IL1RAPL1: variants seen among roughly 807,000 people sequenced by gnomAD.
The protein encoded by IL1RAPL1 is interleukin 1 receptor accessory protein like 1.
Under a neutral mutation model 48.4 loss-of-function variants are expected in IL1RAPL1, and 3 were observed. That is an observed-to-expected ratio of 0.06 (90% CI 0.03 to 0.16). The LOEUF (loss-of-function observed/expected upper bound fraction) is 0.16, where lower values mean the gene tolerates loss of function less well. Among genes scored for constraint, IL1RAPL1 ranks in the 10% least tolerant of loss-of-function variants. The pLI, the probability that IL1RAPL1 is intolerant of heterozygous loss-of-function variation, is 1.00. For synonymous variants in IL1RAPL1, 185 were observed against 187.7 expected (o/e 0.99, Z 0.12); for missense variants, 349 against 530.6 (o/e 0.66, Z 3.36).
At chrX:29,183,290 T>G (rs757322987) in intron 2 of IL1RAPL1, among the ~76,000 whole-genome samples, 15 of 111,830 alleles carry the variant, frequency 1.3e-4, no homozygotes, top group Non-Finnish European at 2.1e-4. Context: ...CTGAGTTCGC[T>G]CTGATCATCT....
chrX:29,288,036 G>A (rs1202965680), intron 3 of IL1RAPL1, among the ~76,000 whole-genome samples: 1 of 111,845 alleles, frequency 8.9e-6, no homozygotes, highest in Admixed American at 9.4e-5. Context: ...TTAAAAAATT[G>A]TTAAAAATTC....
intron 5 of IL1RAPL1, among the ~76,000 whole-genome samples, chrX:29,600,996 C>T (rs750545725): frequency 3.7e-4 from 41 of 111,072 alleles, no homozygotes; most frequent in Non-Finnish European, 7.2e-4. Flanking sequence ...AGACCATGAG[C>T]CTCCCTACTG....
At chrX:29,902,308 T>C in intron 6 of IL1RAPL1, among the ~76,000 whole-genome samples, 1 of 111,141 alleles carries the variant, frequency 9.0e-6, no homozygotes, top group Non-Finnish European at 1.9e-5. Context: ...TGTCCACCGA[T>C]TGTTCTAGAC....
At chrX:28,801,068 G>T (rs1936669641) in intron 2 of IL1RAPL1, among the ~76,000 whole-genome samples, 1 of 109,408 alleles carries the variant, frequency 9.1e-6, no homozygotes, top group South Asian at 3.9e-4. Context: ...TCTTAGTAGA[G>T]ACAGGGTTTC....
rs1569173307 is a variant in IL1RAPL1 at position 29,802,990 on chromosome X, T to TATGTATAC, written c.779-114472_779-114471insGTATACAT. On this transcript the variant is annotated intron_variant, in intron 6 of 10. Transcript: ENST00000378993. ...GTACATATATACATACATGTGTACA[T>TATGTATAC]ATATATGTATGCATATATACATATG... Among the ~76,000 whole-genome samples, 110 of 78,418 alleles carry TATGTATAC rather than the reference T, an allele frequency of 1.4e-3. 3 individuals carry two copies. Among genetic ancestry groups the TATGTATAC allele is most frequent in the African/African-American group, 5.7e-3 (101 of 17,740 alleles). 68.1% of individuals were successfully genotyped at this position (78,418 alleles called of 115,157 possible).
chrX:28,934,748 T>C (rs959750484), intron 2 of IL1RAPL1, among the ~76,000 whole-genome samples: 1 of 112,406 alleles, frequency 8.9e-6, no homozygotes, highest in African/African-American at 3.2e-5. Flanking sequence ...TTACATTCCA[T>C]TGAATGGATA....
chrX:29,744,310 G>T (rs1279504567), intron 6 of IL1RAPL1, among the ~76,000 whole-genome samples: 1 of 111,678 alleles, frequency 9.0e-6, no homozygotes, highest in Non-Finnish European at 1.9e-5. Context: ...TAAATAATTT[G>T]CATCCATTCT....
chrX:28,620,546 G>T (rs1310487281), intron 1 of IL1RAPL1, among the ~76,000 whole-genome samples: 1 of 111,390 alleles, frequency 9.0e-6, no homozygotes, highest in East Asian at 2.9e-4. Flanking sequence ...CAAGCCCATT[G>T]GCATTCTTAC....
At chrX:29,027,876 A>G (rs1014168500) in intron 2 of IL1RAPL1, among the ~76,000 whole-genome samples, 1 of 110,155 alleles carries the variant, frequency 9.1e-6, no homozygotes, top group Non-Finnish European at 1.9e-5. Context: ...CTGCGTTTTT[A>G]AATTGGATTA....
Position 29,955,913 on chromosome X carries a change from A to G in IL1RAPL1, c.*93A>G, listed in dbSNP as rs1195798851. On this transcript the variant is annotated 3_prime_UTR_variant, in exon 11 of 11. Transcript: ENST00000378993. ...AATCCTCGACTGCTGCTGTTAAAAA[A>G]CATGCATTAGAATCTCTAGAACACG... 7.2e-6 allele frequency: 5 copies of G among 693,919 alleles called. No homozygotes were observed. The highest frequency in any genetic ancestry group is 1.2e-5 in the Non-Finnish European group (5 of 431,481). 57.2% of individuals were successfully genotyped at this position (693,919 alleles called of 1,213,427 possible).
At chrX:29,200,460 T>C (rs916031252) in intron 2 of IL1RAPL1, among the ~76,000 whole-genome samples, 1 of 112,243 alleles carries the variant, frequency 8.9e-6, no homozygotes, top group East Asian at 2.8e-4. Context: ...TTTGGCATCT[T>C]TGAATATATG....
chrX:29,407,556 T>C (rs1410284195), intron 5 of IL1RAPL1, among the ~76,000 whole-genome samples: 1 of 112,301 alleles, frequency 8.9e-6, no homozygotes, highest in Non-Finnish European at 1.9e-5. Context: ...TTTGCTTATG[T>C]AAGTAATATT....
At chrX:29,740,573 A>T (rs966401923) in intron 6 of IL1RAPL1, among the ~76,000 whole-genome samples, 1 of 111,407 alleles carries the variant, frequency 9.0e-6, no homozygotes, top group Non-Finnish European at 1.9e-5. Flanking sequence ...TATCCTATAA[A>T]TTATTCTTAG....
In IL1RAPL1 at chrX:29,215,535, T is replaced by C. The variant is rs1309316900; in HGVS notation, c.83-67403T>C. Among the ~76,000 whole-genome samples, 3 of 110,553 alleles carry C rather than the reference T, an allele frequency of 2.7e-5. No individual in the cohort carries two copies. The East Asian group carries it at 8.5e-4, about 31-fold the overall frequency. On this transcript the variant is annotated intron_variant, in intron 2 of 10. Coordinates refer to ENST00000378993, the MANE Select transcript of IL1RAPL1 (RefSeq NM_014271.4). ...ATCATGGATATAACTTGTTTGAAAATGGTCTCATCCCATAAAGTATAGAGA... is the reference window on the plus strand; with the variant it reads ...ATCATGGATATAACTTGTTTGAAAACGGTCTCATCCCATAAAGTATAGAGA...
In IL1RAPL1 at chrX:29,955,593, A is replaced by C. The variant is rs1406454260; in HGVS notation, c.1864A>C (p.Lys622Gln). The C allele has an allele frequency of 8.3e-7, 1 of 1,204,515 alleles. No homozygotes were observed. The highest frequency in any genetic ancestry group is 1.8e-5 in the African/African-American group (1 of 56,883). Residue 622 changes from lysine (K) to glutamine (Q), a missense_variant, in exon 11 of 11, where the codon AAA (lysine) becomes CAA (glutamine). Around this residue, in one of 3 missense-constraint regions of IL1RAPL1, gnomAD observed 65 missense variants for 79.6 expected, o/e 0.82. Transcript: ENST00000378993. Reference sequence around the variant, plus strand: ...CACGTACCATTCACAAATGCGTCAGAAACACTACTACCGAAGCTATGAGTA... The same window carrying C: ...CACGTACCATTCACAAATGCGTCAGCAACACTACTACCGAAGCTATGAGTA... ...HNTYHSQMRQ[K>Q]HYYRSYEYDV...
intron 6 of IL1RAPL1, among the ~76,000 whole-genome samples, chrX:29,888,205 G>A (rs1186329806): frequency 1.8e-5 from 2 of 108,818 alleles, no homozygotes; most frequent in Middle Eastern, 4.8e-3. Flanking sequence ...TAGCCTTTGT[G>A]AATAACATTG....
intron 2 of IL1RAPL1, among the ~76,000 whole-genome samples, chrX:29,200,379 T>G (rs1205084397): frequency 9.0e-6 from 1 of 111,583 alleles, no homozygotes; most frequent in Non-Finnish European, 1.9e-5. Flanking sequence ...CTTAGCAGTT[T>G]CTACTCAAAA....
chrX:29,691,772 A>AAAAAAG lies in IL1RAPL1; in HGVS notation c.778+23268_778+23269insAAAAAG, dbSNP rs34962805. ...TCTCAAAAAAAAAAAAAAAAAAAAAACTCACTATACTGTTTTCTGCTGCTA... is the reference window on the plus strand; with the variant it reads ...TCTCAAAAAAAAAAAAAAAAAAAAAAAAAAAGCTCACTATACTGTTTTCTGCTGCTA... On this transcript the variant is annotated intron_variant, in intron 6 of 10. Transcript: ENST00000378993. 2.8e-3 allele frequency among the ~76,000 whole-genome samples: 253 copies of AAAAAAG among 90,079 alleles called. 9 individuals are homozygous for AAAAAAG. Among genetic ancestry groups the AAAAAAG allele is most frequent in the African/African-American group, 8.9e-3 (192 of 21,507 alleles). The allele number at this position is 90,079 out of a possible 115,157, so 78.2% of individuals were successfully genotyped here. A position where few individuals can be genotyped will look rare whatever the true frequency, so the allele number is the denominator to read the frequency against.
intron 8 of IL1RAPL1, among the ~76,000 whole-genome samples, chrX:29,928,061 C>G (rs894851167): frequency 3.6e-5 from 4 of 111,474 alleles, no homozygotes; most frequent in African/African-American, 1.3e-4. Context: ...CTAACAGAGG[C>G]TATAAAACAC....
Sources: allele counts gnomAD v4.1 joint callset (sites outside exome capture counted in the v4.1 genomes callset), GRCh38; gene constraint gnomAD v4.1.1; regional missense constraint gnomAD v4.1.1; transcripts MANE v1.5; gene names NCBI Gene and HGNC (gene_info 2026-07-23, HGNC 2026-07-21).